The following TTC28 variants were observed in gnomAD, a reference collection of about 807,000 sequenced individuals.
TTC28 encodes tetratricopeptide repeat domain 28, also known as tetratricopeptide repeat protein 28.
TTC28 carries 61 observed loss-of-function variants against 198.0 expected under a neutral mutation model. The ratio of observed to expected loss-of-function variants is 0.31; its 90% CI spans 0.25 to 0.38. The LOEUF is 0.38. Among genes scored for constraint, TTC28 ranks in the 10% least tolerant of loss-of-function variants. The pLI, the probability that TTC28 is intolerant of heterozygous loss-of-function variation, is 1.00. For missense variants in TTC28, 2,678 were observed against 3,164.0 expected (o/e 0.85, Z 3.69); for synonymous variants, 1,171 against 1,297.8 (o/e 0.90, Z 2.10).
intron 2 of TTC28, among the ~76,000 whole-genome samples, chr22:28,607,885 C>T (rs1188819473): frequency 6.6e-6 from 1 of 152,146 alleles, no homozygotes; most frequent in Non-Finnish European, 1.5e-5. Context: ...CATTAGCCTC[C>T]CTGCTTCTGC....
chr22:28,253,304 TG>T (rs1468726884), intron 5 of TTC28, among the ~76,000 whole-genome samples: 1 of 152,238 alleles, frequency 6.6e-6, no homozygotes, highest in Non-Finnish European at 1.5e-5. Context: ...GTTATAGTTC[TG>T]GTATTTAACT....
intron 2 of TTC28, among the ~76,000 whole-genome samples, chr22:28,432,052 G>A (rs573053304): frequency 7.9e-5 from 12 of 151,952 alleles, no homozygotes; most frequent in Non-Finnish European, 1.6e-4. Context: ...TTGGGAGGCC[G>A]AGGTGGGCGG....
At chr22:28,496,698 T>C (rs760281139) in intron 2 of TTC28, among the ~76,000 whole-genome samples, 13 of 151,888 alleles carry the variant, frequency 8.6e-5, no homozygotes, top group Non-Finnish European at 1.3e-4. Context: ...CCTTGCCTTC[T>C]CCAGTCTATT....
At chr22:28,305,918 G>A (rs535426293) in intron 3 of TTC28, among the ~76,000 whole-genome samples, 4 of 152,160 alleles carry the variant, frequency 2.6e-5, no homozygotes, top group Non-Finnish European at 5.9e-5. Context: ...CCAGCGTAAA[G>A]TAGAAGTAAG....
At chr22:28,612,374 G>T (rs191568845) in intron 2 of TTC28, among the ~76,000 whole-genome samples, 2 of 152,236 alleles carry the variant, frequency 1.3e-5, no homozygotes, top group African/African-American at 4.8e-5. Flanking sequence ...CACAATAAAA[G>T]TGAGAGACTT....
At chr22:28,026,126 G>A (rs970307523) in intron 13 of TTC28, among the ~76,000 whole-genome samples, 1 of 152,192 alleles carries the variant, frequency 6.6e-6, no homozygotes, top group Non-Finnish European at 1.5e-5. Context: ...GGCAGGGCAG[G>A]CTCTGGGAGC....
At chr22:28,106,393 G>C (rs887462127) in intron 7 of TTC28, among the ~76,000 whole-genome samples, 1 of 152,128 alleles carries the variant, frequency 6.6e-6, no homozygotes, top group Admixed American at 6.5e-5. Flanking sequence ...CGATAAGCGT[G>C]GAAAGAGTAT....
chr22:28,502,904 T>C (rs965493205), intron 2 of TTC28, among the ~76,000 whole-genome samples: 1 of 152,216 alleles, frequency 6.6e-6, no homozygotes, highest in African/African-American at 2.4e-5. Context: ...CAAGAGTCCA[T>C]AACTAGCTTT....
intron 2 of TTC28, among the ~76,000 whole-genome samples, chr22:28,524,459 CAAAAAA>C (rs34261097): frequency 1.7e-5 from 1 of 59,250 alleles, no homozygotes; most frequent in Admixed American, 2.1e-4. Flanking sequence ...GAAGCCAGCT[CAAAAAA>C]AAAAAAAAAA....
chr22:28,059,521 A>G lies in TTC28; in HGVS notation c.3933-29155T>C, dbSNP rs190636121. Among the ~76,000 whole-genome samples the G allele has an allele frequency of 2.6e-3, 400 of 152,184 alleles. 2 individuals are homozygous for G. The highest frequency in any genetic ancestry group is 4.9e-3 in the Admixed American group (75 of 15,280). The stretch of plus-strand genomic sequence containing the variant: ...CTTCAGTTTGGGGATATGATGTTCT[A>G]TAACTATAATTAGGTCAAGGTGATT... On this transcript the variant is annotated intron_variant, in intron 12 of 22. Coordinates refer to ENST00000397906, the MANE Select transcript of TTC28 (RefSeq NM_001145418.2).
chr22:28,523,685 ATTAAG>A (rs1352861901), intron 2 of TTC28, among the ~76,000 whole-genome samples: 4 of 152,212 alleles, frequency 2.6e-5, no homozygotes, highest in Admixed American at 6.5e-5. Flanking sequence ...TCTCAGAAAG[ATTAAG>A]TTATTTTTTC....
At chr22:28,192,749 T>G (rs1297147718) in intron 5 of TTC28, among the ~76,000 whole-genome samples, 4 of 151,964 alleles carry the variant, frequency 2.6e-5, no homozygotes, top group East Asian at 3.9e-4. Flanking sequence ...AGAAAAAAAG[T>G]AAAAAGCAAG....
chr22:28,595,138 A>T (rs2050517347), intron 2 of TTC28, among the ~76,000 whole-genome samples: 1 of 152,192 alleles, frequency 6.6e-6, no homozygotes, highest in Admixed American at 6.5e-5. Context: ...TTAATTATAG[A>T]AAGTGGTTGT....
intron 2 of TTC28, among the ~76,000 whole-genome samples, chr22:28,550,254 T>C (rs759135619): frequency 6.6e-6 from 1 of 152,172 alleles, no homozygotes; most frequent in Non-Finnish European, 1.5e-5. Flanking sequence ...TTCAGAATTG[T>C]GGCTACAATT....
At position 28,475,149 on chromosome 22, in the gene TTC28, CAAAAAAAAA is replaced by C. The variant is rs386395148; in HGVS notation, c.381+154394_381+154402del. On this transcript the variant is annotated intron_variant, in intron 2 of 22. Coordinates refer to ENST00000397906, the MANE Select transcript of TTC28 (RefSeq NM_001145418.2). ...TGGGTGACAGAGCGAGACTCCATCT[CAAAAAAAAA>C]AAAAAAAAAAAAAAGAAAGAAAAGA... Among the ~76,000 whole-genome samples, 19 of 64,992 alleles carry C rather than the reference CAAAAAAAAA, an allele frequency of 2.9e-4. 1 individual carries two copies. The highest frequency in any genetic ancestry group is 4.1e-4 in the Non-Finnish European group (15 of 36,348). The allele number at this position is 64,992 out of a possible 152,430, so 42.6% of individuals were successfully genotyped here. A position where few individuals can be genotyped will look rare whatever the true frequency, so the allele number is the denominator to read the frequency against.
chr22:28,299,189 T>C (rs1278269388), intron 3 of TTC28, among the ~76,000 whole-genome samples: 1 of 152,122 alleles, frequency 6.6e-6, no homozygotes, highest in Non-Finnish European at 1.5e-5. Context: ...AAAGCACTTA[T>C]TATTAGCTTT....
intron 2 of TTC28, among the ~76,000 whole-genome samples, chr22:28,520,772 G>C (rs1447730785): frequency 6.6e-6 from 1 of 151,774 alleles, no homozygotes; most frequent in Non-Finnish European, 1.5e-5. Flanking sequence ...ACAAAACAGG[G>C]CCTGGCAAGG....
chr22:28,646,322 A>G (rs1449045043), intron 1 of TTC28, among the ~76,000 whole-genome samples: 1 of 152,218 alleles, frequency 6.6e-6, no homozygotes, highest in Non-Finnish European at 1.5e-5. Flanking sequence ...CAGAGAAGAT[A>G]AAATACATGG....
At chr22:28,620,452 T>C (rs2050976624) in intron 2 of TTC28, among the ~76,000 whole-genome samples, 1 of 152,224 alleles carries the variant, frequency 6.6e-6, no homozygotes, top group Admixed American at 6.5e-5. Flanking sequence ...GAGCAAACTT[T>C]GCACTCGGCA....
Sources: gnomAD v4.1 joint callset for allele counts (sites outside exome capture counted in the v4.1 genomes callset) on GRCh38, gnomAD v4.1.1 for gene constraint, MANE v1.5 for transcripts, NCBI Gene and HGNC (gene_info 2026-07-23, HGNC 2026-07-21) for gene names.